The following HS3ST5 variants were observed in gnomAD, a reference collection of about 807,000 sequenced individuals.
HS3ST5 encodes the protein heparan sulfate glucosamine 3-O-sulfotransferase 5.
HS3ST5 carries 10 observed loss-of-function variants against 25.4 expected under a neutral mutation model. The ratio of observed to expected loss-of-function variants is 0.39; its 90% confidence interval spans 0.24 to 0.67. The LOEUF (loss-of-function observed/expected upper bound fraction) is 0.67, where lower values mean the gene tolerates loss of function less well. HS3ST5 is among the 30% of genes least tolerant of loss of function. HS3ST5 has a pLI of 0.44. For synonymous variants in HS3ST5, 170 were observed against 162.4 expected (o/e 1.05, Z -0.36); for missense variants, 324 against 420.7 (o/e 0.77, Z 2.01).
At chr6:114,109,839 G>A (rs1364717923) in intron 3 of HS3ST5, among the ~76,000 whole-genome samples, 1 of 152,138 alleles carries the variant, frequency 6.6e-6, no homozygotes, top group Non-Finnish European at 1.5e-5. Flanking sequence ...TGCAAGCATT[G>A]TGTTAGCTAT....
chr6:114,112,073 T>G (rs1237662908), intron 3 of HS3ST5, among the ~76,000 whole-genome samples: 1 of 152,144 alleles, frequency 6.6e-6, no homozygotes, highest in Non-Finnish European at 1.5e-5. Flanking sequence ...TCTTTTCCAT[T>G]CTCTTCATTT....
intron 3 of HS3ST5, among the ~76,000 whole-genome samples, chr6:114,079,318 C>G (rs530524451): frequency 6.6e-6 from 1 of 152,260 alleles, no homozygotes; most frequent in South Asian, 2.1e-4. Context: ...TGTGTCTCTA[C>G]TTTATCAATG....
intron 3 of HS3ST5, among the ~76,000 whole-genome samples, chr6:114,074,500 T>C (rs2114742601): frequency 6.6e-6 from 1 of 152,296 alleles, no homozygotes; most frequent in Admixed American, 6.5e-5. Context: ...ATGTTGCCAA[T>C]AACTCTTCTA....
intron 3 of HS3ST5, among the ~76,000 whole-genome samples, chr6:114,098,471 C>G (rs1775556657): frequency 6.7e-6 from 1 of 148,768 alleles, no homozygotes; most frequent in African/African-American, 2.5e-5. Context: ...TATGGCCACT[C>G]TCAAATTATT....
At chr6:114,146,910 C>T (rs888611698) in intron 3 of HS3ST5, among the ~76,000 whole-genome samples, 1 of 152,180 alleles carries the variant, frequency 6.6e-6, no homozygotes, top group Admixed American at 6.5e-5. Flanking sequence ...AGCCATTAAA[C>T]CTCTTTTCTT....
At chr6:114,080,023 C>T (rs1472156400) in intron 3 of HS3ST5, among the ~76,000 whole-genome samples, 3 of 152,172 alleles carry the variant, frequency 2.0e-5, no homozygotes, top group Non-Finnish European at 2.9e-5. Context: ...GTGATCCGCC[C>T]GCCCCAGCCT....
intron 2 of HS3ST5, among the ~76,000 whole-genome samples, chr6:114,175,470 T>A (rs961856248): frequency 4.6e-5 from 7 of 152,162 alleles, no homozygotes; most frequent in African/African-American, 1.4e-4. Context: ...CAAAGTGAAA[T>A]TGCATTAGCT....
At position 114,057,147 on chromosome 6, in the gene HS3ST5, A is replaced by G; in HGVS notation, c.*110T>C. The G allele has an allele frequency of 1.3e-6, 1 of 773,604 alleles. No individual in the cohort carries two copies. The highest frequency in any genetic ancestry group is 2.1e-6 in the Non-Finnish European group (1 of 468,002). 47.9% of individuals were successfully genotyped at this position (773,604 alleles called of 1,614,324 possible). On this transcript the variant is annotated 3_prime_UTR_variant, in exon 5 of 5. Coordinates refer to ENST00000312719, the MANE Select transcript of HS3ST5 (RefSeq NM_153612.4). ...TCACACACTGCGTATGTACAAATAT[A>G]CATGGAAAAATGACTTGGATAGCTC...
At chr6:114,069,520 T>G (rs1183809277) in intron 3 of HS3ST5, among the ~76,000 whole-genome samples, 1 of 149,558 alleles carries the variant, frequency 6.7e-6, no homozygotes, top group East Asian at 2.0e-4. Flanking sequence ...GGGAGAATTT[T>G]TTTTTTTTTT....
intron 1 of HS3ST5, among the ~76,000 whole-genome samples, chr6:114,263,315 A>C (rs571691220): frequency 6.6e-6 from 1 of 152,242 alleles, no homozygotes; most frequent in African/African-American, 2.4e-5. Flanking sequence ...CCTCCATCTT[A>C]ATATTCAAAA....
At chr6:114,271,354 C>G (rs1773630135) in intron 1 of HS3ST5, among the ~76,000 whole-genome samples, 1 of 151,934 alleles carries the variant, frequency 6.6e-6, no homozygotes, top group African/African-American at 2.4e-5. Flanking sequence ...TTTGGAGATT[C>G]TTAAACACAG....
chr6:114,340,126 G>A (rs1776766073), intron 1 of HS3ST5, among the ~76,000 whole-genome samples: 1 of 152,140 alleles, frequency 6.6e-6, no homozygotes, highest in South Asian at 2.1e-4. Flanking sequence ...CAAAAATGGT[G>A]AGGACAATGA....
chr6:114,337,366 C>T (rs952738234), intron 1 of HS3ST5, among the ~76,000 whole-genome samples: 1 of 152,154 alleles, frequency 6.6e-6, no homozygotes. Context: ...TCACTTCACA[C>T]CTTCTATAAA....
chr6:114,251,847 C>T (rs542581707), intron 1 of HS3ST5: 1 of 152,316 alleles, frequency 6.6e-6, no homozygotes, highest in African/African-American at 2.4e-5. Flanking sequence ...TCATTTGAGC[C>T]ACTGTATCAA....
chr6:114,188,603 AT>A (rs67059658), intron 2 of HS3ST5, among the ~76,000 whole-genome samples: 63,781 of 151,846 alleles, frequency 0.42, 14,512 homozygotes, highest in South Asian at 0.66. Context: ...ATATTGTGGC[AT>A]TTTTTTATTA....
intron 2 of HS3ST5, among the ~76,000 whole-genome samples, chr6:114,177,845 A>G (rs1194128295): frequency 2.6e-5 from 4 of 152,212 alleles, no homozygotes; most frequent in Non-Finnish European, 5.9e-5. Flanking sequence ...AGTAAACCTA[A>G]GAGAAGGAAA....
intron 3 of HS3ST5, among the ~76,000 whole-genome samples, chr6:114,079,727 G>C (rs1220561083): frequency 6.6e-6 from 1 of 152,162 alleles, no homozygotes; most frequent in Non-Finnish European, 1.5e-5. Flanking sequence ...ATCTATGAGA[G>C]GAATCACAAT....
intron 1 of HS3ST5, among the ~76,000 whole-genome samples, chr6:114,329,569 G>C (rs1776307606): frequency 6.6e-6 from 1 of 152,300 alleles, no homozygotes; most frequent in African/African-American, 2.4e-5. Context: ...GAATGTGGTG[G>C]CAGTGGAAAG....
At chr6:114,277,986 T>C (rs1423984233) in intron 1 of HS3ST5, among the ~76,000 whole-genome samples, 1 of 152,016 alleles carries the variant, frequency 6.6e-6, no homozygotes, top group Admixed American at 6.6e-5. Context: ...CAAAGCTCTG[T>C]GGTTCTCATT....
Sources: gnomAD v4.1 joint callset for allele counts (sites outside exome capture counted in the v4.1 genomes callset) on GRCh38, gnomAD v4.1.1 for gene constraint, MANE v1.5 for transcripts, NCBI Gene and HGNC (gene_info 2026-07-23, HGNC 2026-07-21) for gene names.